Variants in ARHGAP6 observed in about 807,000 individuals in gnomAD.
ARHGAP6 encodes Rho GTPase activating protein 6, also known as rho GTPase-activating protein 6.
A neutral mutation model predicts 55.7 loss-of-function variants in ARHGAP6; 16 were observed. The observed-to-expected ratio is 0.29, with a 90% CI of 0.19 to 0.44. ARHGAP6 has a LOEUF of 0.44. ARHGAP6 is among the 20% of genes least tolerant of loss of function. The probability of loss-of-function intolerance (pLI) is 1.00; values close to 1 mark genes in which losing one functional copy is unlikely to be tolerated. For missense variants in ARHGAP6, 698 were observed against 808.9 expected (o/e 0.86, Z 1.66); for synonymous variants, 382 against 360.9 (o/e 1.06, Z -0.66).
chrX:11,386,538 G>A (rs768519616), intron 1 of ARHGAP6, among the ~76,000 whole-genome samples: 5 of 111,297 alleles, frequency 4.5e-5, no homozygotes, highest in East Asian at 2.8e-4. Context: ...CAGATCCACC[G>A]GCCATAATAG....
intron 1 of ARHGAP6, among the ~76,000 whole-genome samples, chrX:11,626,526 A>G (rs945425528): frequency 1.8e-5 from 2 of 112,203 alleles, no homozygotes; most frequent in Admixed American, 1.9e-4. Context: ...AAGAAAATAT[A>G]GCAGGTATTT....
At chrX:11,607,647 A>G (rs1461430871) in intron 1 of ARHGAP6, among the ~76,000 whole-genome samples, 3 of 112,427 alleles carry the variant, frequency 2.7e-5, no homozygotes, top group Non-Finnish European at 5.6e-5. Context: ...TTTTGTAAGT[A>G]TGTATTTTTA....
chrX:11,486,593 C>T (rs1404500244), intron 1 of ARHGAP6, among the ~76,000 whole-genome samples: 1 of 111,875 alleles, frequency 8.9e-6, no homozygotes. Flanking sequence ...CAATTCAATC[C>T]AAGACCCATG....
intron 8 of ARHGAP6, among the ~76,000 whole-genome samples, chrX:11,171,909 T>G (rs1445633069): frequency 8.9e-6 from 1 of 112,088 alleles, no homozygotes; most frequent in Non-Finnish European, 1.9e-5. Context: ...CCCTGTGGGG[T>G]AAAATTGCTC....
At chrX:11,330,771 G>A (rs745833389) in intron 1 of ARHGAP6, among the ~76,000 whole-genome samples, 2 of 111,902 alleles carry the variant, frequency 1.8e-5, no homozygotes, top group South Asian at 3.8e-4. Flanking sequence ...GCAGAGAATA[G>A]ATTTAGCAAA....
intron 1 of ARHGAP6, among the ~76,000 whole-genome samples, chrX:11,575,970 C>A (rs1355969612): frequency 1.8e-5 from 2 of 112,152 alleles, no homozygotes; most frequent in East Asian, 2.8e-4. Flanking sequence ...AATCTGACTT[C>A]AACTTTCTTT....
rs187600796 is a variant in ARHGAP6, at chrX:11,259,332, A to G, written c.589-4625T>C. On this transcript the variant is annotated intron_variant, in intron 1 of 12. Transcript: ENST00000337414. The stretch of plus-strand genomic sequence containing the variant: ...AAATGACAGGATCTCATTCTTTTTT[A>G]TGGCTGAATAATACTCCATTGTGTA... Among the ~76,000 whole-genome samples the G allele has an allele frequency of 1.2e-4, 13 of 111,904 alleles. No individual in the cohort carries two copies. The East Asian group carries it at 3.7e-3, about 32-fold the overall frequency.
intron 1 of ARHGAP6, chrX:11,427,431 G>C: frequency 1.2e-6 from 1 of 847,466 alleles, no homozygotes; most frequent in Non-Finnish European, 1.5e-6. Context: ...CCGGCCACCC[G>C]CCACCCCCTC....
intron 1 of ARHGAP6, among the ~76,000 whole-genome samples, chrX:11,364,559 G>A (rs1303281006): frequency 2.7e-5 from 3 of 110,501 alleles, no homozygotes; most frequent in African/African-American, 6.6e-5. Flanking sequence ...GACCCATCCC[G>A]GCTCCAAAGA....
Position 11,405,393 on chromosome X carries a change from C to T in ARHGAP6, c.589-150686G>A, listed in dbSNP as rs1378815610. On this transcript the variant is annotated intron_variant, in intron 1 of 12. Coordinates refer to ENST00000337414, the MANE Select transcript of ARHGAP6 (RefSeq NM_013427.3). ...TTCCTTCTATAAGACAAATCCATGA[C>T]GGAAGACACTGCTGGGTAAAAACAC... 4.5e-5 allele frequency among the ~76,000 whole-genome samples: 5 copies of T among 112,154 alleles called. No individual in the cohort carries two copies. The Admixed American group carries it at 4.7e-4, about 11-fold the overall frequency.
At chrX:11,566,092 T>A (rs778614528) in intron 1 of ARHGAP6, among the ~76,000 whole-genome samples, 1 of 111,916 alleles carries the variant, frequency 8.9e-6, no homozygotes, top group African/African-American at 3.2e-5. Flanking sequence ...ACGATAGAGA[T>A]TGTGTGTAAA....
chrX:11,427,597 T>A (rs1324076656), intron 1 of ARHGAP6: 2 of 896,611 alleles, frequency 2.2e-6, no homozygotes, highest in African/African-American at 4.3e-5. Flanking sequence ...GTGCCCCATG[T>A]CGCCTCCGGG....
rs140286676 is a variant in ARHGAP6 at position 11,144,077 on chromosome X, C to T, written c.2079G>A (p.Ser693=). The T allele has an allele frequency of 1.5e-3, 1,836 of 1,209,421 alleles. 2 individuals carry two copies. The highest frequency in any genetic ancestry group is 1.9e-3 in the Non-Finnish European group (1,681 of 894,894). ...GCCCTGGCACTCTGTAAAGCTTCTCCGAGCCCCCCGGGGCCGCGTCCTCTT... is the reference window on the plus strand; with the variant it reads ...GCCCTGGCACTCTGTAAAGCTTCTCTGAGCCCCCCGGGGCCGCGTCCTCTT... ...AMQEDAAPGG[S]EKLYRVPGQF... Residue 693 remains serine (S), a synonymous_variant, in exon 11 of 13, where the codon TCG becomes TCA. Coordinates refer to ENST00000337414, the MANE Select transcript of ARHGAP6 (RefSeq NM_013427.3).
chrX:11,608,168 G>A (rs757074883), intron 1 of ARHGAP6, among the ~76,000 whole-genome samples: 1 of 111,167 alleles, frequency 9.0e-6, no homozygotes, highest in Admixed American at 9.5e-5. Context: ...AAGGTAACCC[G>A]GCAAACATGG....
intron 1 of ARHGAP6, among the ~76,000 whole-genome samples, chrX:11,613,286 T>C (rs1378475493): frequency 8.9e-6 from 1 of 112,466 alleles, no homozygotes; most frequent in Admixed American, 9.4e-5. Flanking sequence ...TCATTTGATA[T>C]AACCTCTGAG....
chrX:11,179,678 C>T (rs781385013), intron 6 of ARHGAP6, among the ~76,000 whole-genome samples: 2 of 104,490 alleles, frequency 1.9e-5, no homozygotes, highest in South Asian at 8.3e-4. Context: ...TATGAGTATA[C>T]ACATGTATAT....
chrX:11,261,739 A>G (rs1008598036), intron 1 of ARHGAP6, among the ~76,000 whole-genome samples: 12 of 112,015 alleles, frequency 1.1e-4, no homozygotes, highest in African/African-American at 3.6e-4. Context: ...ATGATATAGG[A>G]TAATGGTCCT....
At chrX:11,150,427 T>C (rs901830491) in intron 10 of ARHGAP6, among the ~76,000 whole-genome samples, 1 of 100,291 alleles carries the variant, frequency 1.0e-5, no homozygotes, top group Admixed American at 1.0e-4. Context: ...GTTTTGTGTA[T>C]ATTTTTTTTT....
intron 1 of ARHGAP6, among the ~76,000 whole-genome samples, chrX:11,475,486 T>G (rs568462809): frequency 2.7e-5 from 3 of 109,353 alleles, no homozygotes; most frequent in East Asian, 5.7e-4. Context: ...GCATTATATA[T>G]TATACAATTT....
Sources: gnomAD v4.1 joint callset for allele counts (sites outside exome capture counted in the v4.1 genomes callset) on GRCh38, gnomAD v4.1.1 for gene constraint, MANE v1.5 for transcripts, NCBI Gene and HGNC (gene_info 2026-07-23, HGNC 2026-07-21) for gene names.